Variants in HIRA observed in about 807,000 individuals in gnomAD.
HIRA encodes the protein protein HIRA.
Under a neutral mutation model 126.6 loss-of-function variants are expected in HIRA, and 13 were observed. That is an observed-to-expected ratio of 0.10 (90% CI 0.07 to 0.16). The LOEUF (loss-of-function observed/expected upper bound fraction) is 0.16, where lower values mean the gene tolerates loss of function less well. Among genes scored for constraint, HIRA ranks in the 10% least tolerant of loss-of-function variants. The pLI, the probability that HIRA is intolerant of heterozygous loss-of-function variation, is 1.00. For synonymous variants in HIRA, 511 were observed against 520.0 expected, an observed-to-expected ratio of 0.98 and a Z score of 0.24; for missense variants, 834 against 1,314.4, an observed-to-expected ratio of 0.63 and a Z score of 5.65.
chr22:19,333,844 C>T (rs2088524724), intron 24 of HIRA, among the ~76,000 whole-genome samples: 1 of 152,116 alleles, frequency 6.6e-6, no homozygotes, highest in Non-Finnish European at 1.5e-5. Context: ...TGCTGATTTA[C>T]CCTTTTGTCT....
chr22:19,421,323 G>A (rs867024598), intron 1 of HIRA, among the ~76,000 whole-genome samples: 55 of 150,434 alleles, frequency 3.7e-4, no homozygotes, highest in Middle Eastern at 6.9e-3. Context: ...AAAATGCACA[G>A]CAACATTTTA....
intron 13 of HIRA, among the ~76,000 whole-genome samples, chr22:19,382,636 G>C (rs1410936797): frequency 6.6e-6 from 1 of 152,192 alleles, no homozygotes; most frequent in Non-Finnish European, 1.5e-5. Flanking sequence ...AAACGCAGAG[G>C]CCTAAAGTGT....
chr22:19,398,222 C>T lies in HIRA; in HGVS notation c.398-135G>A, dbSNP rs1013153414. 10 of 643,326 alleles carry T rather than the reference C, an allele frequency of 1.6e-5. No individual in the cohort carries two copies. The African/African-American group carries it at 1.8e-4, about 12-fold the overall frequency. 39.9% of individuals were successfully genotyped at this position (643,326 alleles called of 1,614,324 possible). On this transcript the variant is annotated intron_variant, in intron 5 of 24. Transcript: ENST00000263208. The stretch of plus-strand genomic sequence containing the variant: ...TTTTAACCAACCTGAAAAAACTCCC[C>T]CCAGAATTTTTCAATTGGTCATAAA...
At chr22:19,394,573 C>T (rs1348821624) in intron 7 of HIRA, 64 bp from the exon 8 acceptor site, 4 of 1,527,768 alleles carry the variant, frequency 2.6e-6, no homozygotes, top group Admixed American at 3.6e-5. Flanking sequence ...ACTCTGGCCT[C>T]GAGGATAAAG....
chr22:19,408,235 G>A (rs1247964355), intron 3 of HIRA, among the ~76,000 whole-genome samples: 1 of 152,134 alleles, frequency 6.6e-6, no homozygotes, highest in Non-Finnish European at 1.5e-5. Flanking sequence ...CATGGAATCA[G>A]GCAGTAACGA....
chr22:19,344,518 C>T (rs960580240), intron 24 of HIRA, among the ~76,000 whole-genome samples: 1 of 152,072 alleles, frequency 6.6e-6, no homozygotes, highest in East Asian at 1.9e-4. Context: ...ATAAAACAAA[C>T]CCTCTCATAA....
chr22:19,406,013 T>C (rs2089305305), intron 4 of HIRA, 133 bp from the exon 5 acceptor site: 2 of 463,508 alleles, frequency 4.3e-6, no homozygotes, highest in African/African-American at 2.0e-5. Context: ...CACTGGGTTG[T>C]TGAATAAAAG....
intron 9 of HIRA, among the ~76,000 whole-genome samples, chr22:19,390,625 A>AAAAAAAAAAAAAAC (rs1569304503): frequency 6.7e-6 from 1 of 148,558 alleles, no homozygotes; most frequent in Non-Finnish European, 1.5e-5. Context: ...AAAAAAAAAA[A>AAAAAAAAAAAAAAC]AAGAAGCTGA....
intron 1 of HIRA, among the ~76,000 whole-genome samples, chr22:19,430,430 C>T (rs569589320): frequency 3.3e-5 from 5 of 152,210 alleles, no homozygotes; most frequent in South Asian, 4.2e-4. Context: ...AAATTCAAAA[C>T]GAAAAAGCCA....
At chr22:19,416,335 T>G (rs1027361666) in intron 1 of HIRA, among the ~76,000 whole-genome samples, 2 of 152,168 alleles carry the variant, frequency 1.3e-5, no homozygotes, top group Non-Finnish European at 2.9e-5. Context: ...TTCTTTTCTT[T>G]TTTTTTGAGA....
intron 1 of HIRA, among the ~76,000 whole-genome samples, chr22:19,423,510 CACACACACACACACAT>C (rs772768481): frequency 0.1 from 13,880 of 136,918 alleles, 860 homozygotes; most frequent in Middle Eastern, 0.24. Flanking sequence ...CACACACACA[CACACACACACACACAT>C]ATTTTCAGCT....
chr22:19,420,277 G>A (rs1445993002), intron 1 of HIRA, among the ~76,000 whole-genome samples: 1 of 151,804 alleles, frequency 6.6e-6, no homozygotes, highest in East Asian at 1.9e-4. Flanking sequence ...AGGCAACATG[G>A]TGAACCCCAT....
At chr22:19,401,960 G>A (rs9618557) in intron 5 of HIRA, among the ~76,000 whole-genome samples, 13,286 of 152,088 alleles carry the variant, frequency 0.087, 1,938 homozygotes, top group African/African-American at 0.3. Context: ...ACTGCCTCCC[G>A]CACCCTCCTC....
intron 9 of HIRA, among the ~76,000 whole-genome samples, chr22:19,390,671 G>A (rs185685919): frequency 4.7e-4 from 70 of 147,694 alleles, no homozygotes; most frequent in Non-Finnish European, 1.2e-4. Context: ...CAGCGAGTGA[G>A]GAGTACTAGG....
intron 1 of HIRA, among the ~76,000 whole-genome samples, chr22:19,429,133 C>CTTTTTTT (rs57853722): frequency 8.9e-4 from 69 of 77,280 alleles, no homozygotes; most frequent in Non-Finnish European, 1.1e-3. Flanking sequence ...GTTGCCATAT[C>CTTTTTTT]TTTTTTTTTT....
intron 13 of HIRA, among the ~76,000 whole-genome samples, chr22:19,379,719 C>T (rs1395206608): frequency 8.7e-6 from 1 of 114,744 alleles, no homozygotes; most frequent in Non-Finnish European, 1.8e-5. Flanking sequence ...TGTTATTGGT[C>T]TTTATTACTG....
At chr22:19,358,708 T>C (rs1556013436) in intron 18 of HIRA, among the ~76,000 whole-genome samples, 1 of 152,078 alleles carries the variant, frequency 6.6e-6, no homozygotes, top group African/African-American at 2.4e-5. Context: ...TGGCAGATGA[T>C]TAAGGGTGTA....
intron 22 of HIRA, 121 bp downstream of exon 22, chr22:19,353,875 C>T: frequency 1.6e-6 from 2 of 1,274,102 alleles, no homozygotes; most frequent in Non-Finnish European, 1.1e-6. Context: ...CTGACCAGCA[C>T]CTGGGGCACA....
intron 1 of HIRA, among the ~76,000 whole-genome samples, chr22:19,420,644 G>A (rs1451649397): frequency 6.6e-6 from 1 of 152,038 alleles, no homozygotes; most frequent in African/African-American, 2.4e-5. Context: ...GAGCCCAGGA[G>A]CTCAAGGCTG....
Sources: allele counts gnomAD v4.1 joint callset (sites outside exome capture counted in the v4.1 genomes callset), GRCh38; gene constraint gnomAD v4.1.1; transcripts MANE v1.5; gene names NCBI Gene and HGNC (gene_info 2026-07-23, HGNC 2026-07-21).